CHST8: variants seen among roughly 807,000 people sequenced by gnomAD.
CHST8 encodes GALNAC-4-ST1.
CHST8 carries 10 observed loss-of-function variants against 15.0 expected under a neutral mutation model. That is an observed-to-expected ratio of 0.67 (90% CI 0.41 to 1.13). CHST8 has a LOEUF of 1.13. Ranked by LOEUF, CHST8 falls within the 50% of genes most tolerant of loss-of-function variation. The pLI, the probability that CHST8 is intolerant of heterozygous loss-of-function variation, is 0.00. For missense variants in CHST8, 634 were observed against 608.2 expected (o/e 1.04, Z -0.45); for synonymous variants, 259 against 256.6 (o/e 1.01, Z -0.09).
chr19:33,647,735 A>C (rs1341350518), intron 1 of CHST8, among the ~76,000 whole-genome samples: 2 of 152,012 alleles, frequency 1.3e-5, no homozygotes, highest in African/African-American at 2.4e-5. Context: ...AATCCCAGCT[A>C]CTAGGGAGGC....
intron 1 of CHST8, among the ~76,000 whole-genome samples, chr19:33,660,594 C>T (rs1363053514): frequency 6.6e-6 from 1 of 152,180 alleles, no homozygotes; most frequent in Non-Finnish European, 1.5e-5. Context: ...CTTGCCAGCG[C>T]CATGACAGTT....
At chr19:33,717,803 T>A (rs1212345585) in intron 3 of CHST8, among the ~76,000 whole-genome samples, 1 of 152,140 alleles carries the variant, frequency 6.6e-6, no homozygotes, top group Admixed American at 6.6e-5. Flanking sequence ...TTTCAGGGTG[T>A]CATATGAAAC....
At chr19:33,754,190 G>A (rs1974499956) in intron 3 of CHST8, among the ~76,000 whole-genome samples, 1 of 147,288 alleles carries the variant, frequency 6.8e-6, no homozygotes, top group African/African-American at 2.5e-5. Context: ...CATCACATCT[G>A]ACAAGGAAGA....
chr19:33,741,960 G>A (rs1401051011), intron 3 of CHST8, among the ~76,000 whole-genome samples: 1 of 152,092 alleles, frequency 6.6e-6, no homozygotes, highest in African/African-American at 2.4e-5. Context: ...ACATGAGCCA[G>A]GCTTGGGTCA....
intron 3 of CHST8, among the ~76,000 whole-genome samples, chr19:33,752,920 AAAC>A (rs1207026500): frequency 6.6e-6 from 1 of 152,260 alleles, no homozygotes; most frequent in Non-Finnish European, 1.5e-5. Flanking sequence ...TTTATAAAAC[AAAC>A]AACAATTTTT....
chr19:33,701,989 T>G (rs1436784669), intron 3 of CHST8, among the ~76,000 whole-genome samples: 2 of 152,194 alleles, frequency 1.3e-5, no homozygotes, highest in South Asian at 4.1e-4. Context: ...TTTGTTTGTT[T>G]GTTTGTTTTT....
chr19:33,680,474 A>G (rs1428238755), intron 2 of CHST8, among the ~76,000 whole-genome samples: 1 of 152,216 alleles, frequency 6.6e-6, no homozygotes, highest in South Asian at 2.1e-4. Flanking sequence ...TGTCAAGTTC[A>G]TTATCCATGG....
At chr19:33,714,049 A>C (rs2145298500) in intron 3 of CHST8, among the ~76,000 whole-genome samples, 1 of 152,308 alleles carries the variant, frequency 6.6e-6, no homozygotes, top group Non-Finnish European at 1.5e-5. Context: ...TCACCTGTGG[A>C]GGTGTTAAAA....
At chr19:33,628,414 A>C (rs1248758239) in intron 1 of CHST8, among the ~76,000 whole-genome samples, 1 of 152,198 alleles carries the variant, frequency 6.6e-6, no homozygotes, top group Non-Finnish European at 1.5e-5. Context: ...AGCTGCAGGA[A>C]TCTTGCAGAA....
chr19:33,702,780 G>A lies in CHST8; in HGVS notation c.130+13389G>A, dbSNP rs948727739. 3.6e-4 allele frequency among the ~76,000 whole-genome samples: 55 copies of A among 152,332 alleles called. 1 individual carries two copies. Among genetic ancestry groups the A allele is most frequent in the South Asian group, 1.2e-3 (6 of 4,822 alleles). ...CAGGTCTCAGGTGTGGAGTGACCCCGTTCCCACTCTGCCTGGCCCAGAATG... is the reference window on the plus strand; with the variant it reads ...CAGGTCTCAGGTGTGGAGTGACCCCATTCCCACTCTGCCTGGCCCAGAATG... On this transcript the variant is annotated intron_variant, in intron 3 of 4. Transcript: ENST00000650847.
chr19:33,766,678 C>T (rs1004165440), intron 3 of CHST8, among the ~76,000 whole-genome samples: 6 of 152,200 alleles, frequency 3.9e-5, no homozygotes, highest in East Asian at 1.9e-4. Flanking sequence ...GGGTACTGCA[C>T]GTGCTGAGGA....
At chr19:33,663,964 G>A (rs1045986838) in intron 1 of CHST8, among the ~76,000 whole-genome samples, 1 of 152,186 alleles carries the variant, frequency 6.6e-6, no homozygotes, top group Non-Finnish European at 1.5e-5. Context: ...GTGAAAAAAA[G>A]CAAACCGTAG....
At chr19:33,755,488 C>A (rs1974528216) in intron 3 of CHST8, among the ~76,000 whole-genome samples, 2 of 147,802 alleles carry the variant, frequency 1.4e-5, no homozygotes. Flanking sequence ...CACCTCTCAC[C>A]CTGCTAGTGA....
At chr19:33,715,882 C>T (rs904248069) in intron 3 of CHST8, among the ~76,000 whole-genome samples, 1 of 152,194 alleles carries the variant, frequency 6.6e-6, no homozygotes, top group Non-Finnish European at 1.5e-5. Context: ...CTCTCCAGGT[C>T]AAACAGGAAT....
chr19:33,751,909 G>A (rs1423921755), intron 3 of CHST8, among the ~76,000 whole-genome samples: 2 of 152,240 alleles, frequency 1.3e-5, no homozygotes, highest in East Asian at 3.9e-4. Flanking sequence ...GACAGAATGA[G>A]TGTTTTCCCT....
chr19:33,718,811 T>C (rs1973718528), intron 3 of CHST8, among the ~76,000 whole-genome samples: 1 of 152,164 alleles, frequency 6.6e-6, no homozygotes, highest in Admixed American at 6.5e-5. Context: ...AGGCTGGCCC[T>C]GCTGGATCCA....
intron 2 of CHST8, among the ~76,000 whole-genome samples, chr19:33,668,566 AAG>A (rs1972693550): frequency 6.6e-6 from 1 of 152,152 alleles, no homozygotes; most frequent in Non-Finnish European, 1.5e-5. Flanking sequence ...GGAAGGGAGG[AAG>A]AACAGATCAG....
intron 3 of CHST8, among the ~76,000 whole-genome samples, chr19:33,767,873 T>C (rs867012743): frequency 6.6e-6 from 1 of 152,144 alleles, no homozygotes; most frequent in African/African-American, 2.4e-5. Context: ...AGGCCACTGA[T>C]GTTATCTAGA....
intron 3 of CHST8, among the ~76,000 whole-genome samples, chr19:33,749,230 A>G (rs1974369045): frequency 6.6e-6 from 1 of 152,152 alleles, no homozygotes; most frequent in African/African-American, 2.4e-5. Context: ...ACCCGGAGCC[A>G]GGGACAACTG....
Sources: gnomAD v4.1 joint callset for allele counts (sites outside exome capture counted in the v4.1 genomes callset) on GRCh38, gnomAD v4.1.1 for gene constraint, MANE v1.5 for transcripts, NCBI Gene and HGNC (gene_info 2026-07-23, HGNC 2026-07-21) for gene names.